Variants in EEFSEC observed in about 807,000 individuals in gnomAD.
EEFSEC encodes eukaryotic elongation factor, selenocysteine-tRNA specific, also known as selenocysteine-specific elongation factor.
EEFSEC carries 43 observed loss-of-function variants against 42.1 expected under a neutral mutation model. That is an observed-to-expected ratio of 1.02 (90% CI 0.80 to 1.32). EEFSEC has a LOEUF of 1.32. Ranked by LOEUF, EEFSEC falls within the 40% of genes most tolerant of loss-of-function variation. The pLI is 0.00. For missense variants in EEFSEC, 745 were observed against 803.6 expected, an observed-to-expected ratio of 0.93 and a Z score of 0.88; for synonymous variants, 354 against 339.1, an observed-to-expected ratio of 1.04 and a Z score of -0.48.
intron 1 of EEFSEC, among the ~76,000 whole-genome samples, chr3:128,228,496 GGT>G (rs1185400928): frequency 1.3e-5 from 2 of 152,110 alleles, no homozygotes; most frequent in African/African-American, 4.8e-5. Context: ...GGGGGTGGTG[GGT>G]GTGAGGCTGT....
rs1174116271 is a variant in EEFSEC, at chr3:128,317,415, G to A, written c.787-23818G>A. Reference sequence around the variant, plus strand: ...CCCTCAGCGTGTGCTTGGTGCTGCTGCATGCCAGGCACACTGTGAGAACTG... The same window carrying A: ...CCCTCAGCGTGTGCTTGGTGCTGCTACATGCCAGGCACACTGTGAGAACTG... On this transcript the variant is annotated intron_variant, in intron 4 of 6. Coordinates refer to ENST00000254730, the MANE Select transcript of EEFSEC (RefSeq NM_021937.5). This position sits in a 1 kb window ranked among gnomAD's most constrained non-coding sequence, Gnocchi z 4.1. 1.3e-5 allele frequency among the ~76,000 whole-genome samples: 2 copies of A among 152,256 alleles called. No homozygotes were observed. The highest frequency in any genetic ancestry group is 2.9e-5 in the Non-Finnish European group (2 of 68,036).
chr3:128,208,366 T>C (rs114735617), intron 1 of EEFSEC, among the ~76,000 whole-genome samples: 199 of 152,358 alleles, frequency 1.3e-3, no homozygotes, highest in African/African-American at 4.5e-3. Flanking sequence ...TATTGGATGA[T>C]GACTGTAAGT....
chr3:128,322,800 A>G lies in EEFSEC; in HGVS notation c.787-18433A>G, dbSNP rs143066979. Among the ~76,000 whole-genome samples, 283 of 152,276 alleles carry G rather than the reference A, an allele frequency of 1.9e-3. 1 individual carries two copies. Among genetic ancestry groups the G allele is most frequent in the Non-Finnish European group, 3.4e-3 (233 of 68,012 alleles). On this transcript the variant is annotated intron_variant, in intron 4 of 6. Coordinates refer to ENST00000254730, the MANE Select transcript of EEFSEC (RefSeq NM_021937.5). ...GGGAGAGCTGGGGTCTGCAGCCCGA[A>G]GCACAGGGGTGGTTTGGACCTTGCT... is the stretch of plus-strand genomic sequence containing the variant.
intron 1 of EEFSEC, among the ~76,000 whole-genome samples, chr3:128,185,060 C>A (rs2065451097): frequency 1.3e-5 from 2 of 152,122 alleles, no homozygotes; most frequent in African/African-American, 4.8e-5. Flanking sequence ...TACAAGTCTG[C>A]CATACCTTAT....
At chr3:128,163,178 A>G (rs552803934) in intron 1 of EEFSEC, among the ~76,000 whole-genome samples, 10 of 152,182 alleles carry the variant, frequency 6.6e-5, no homozygotes, top group Admixed American at 2.6e-4. Context: ...GATGGTATCT[A>G]TAGCTCTGGT....
chr3:128,243,202 G>C (rs776880526), intron 1 of EEFSEC, among the ~76,000 whole-genome samples: 2 of 152,194 alleles, frequency 1.3e-5, no homozygotes, highest in African/African-American at 2.4e-5. Context: ...GCTGCACGGG[G>C]TCCGCTCAAG....
chr3:128,313,840 A>C (rs1023957686), intron 4 of EEFSEC, among the ~76,000 whole-genome samples: 2 of 152,236 alleles, frequency 1.3e-5, no homozygotes, highest in African/African-American at 4.8e-5. Flanking sequence ...TTATGCAGTG[A>C]TTAGAGTTAA....
At chr3:128,335,886 A>G (rs537340757) in intron 4 of EEFSEC, among the ~76,000 whole-genome samples, 3 of 152,318 alleles carry the variant, frequency 2.0e-5, no homozygotes, top group African/African-American at 7.2e-5. Context: ...GGACAAGGAG[A>G]GTCCAGGTGG....
At chr3:128,160,564 G>T (rs1415137856) in intron 1 of EEFSEC, among the ~76,000 whole-genome samples, 1 of 152,116 alleles carries the variant, frequency 6.6e-6, no homozygotes, top group African/African-American at 2.4e-5. Context: ...TGCTGGGCAG[G>T]GATTCCCACT....
intron 4 of EEFSEC, among the ~76,000 whole-genome samples, chr3:128,304,441 T>A (rs930918630): frequency 1.6e-4 from 25 of 152,094 alleles, no homozygotes; most frequent in Non-Finnish European, 3.7e-4. Flanking sequence ...AAAATTTTTC[T>A]TTGTTTAGAA....
At chr3:128,336,022 G>A (rs1390103049) in intron 4 of EEFSEC, among the ~76,000 whole-genome samples, 2 of 152,130 alleles carry the variant, frequency 1.3e-5, no homozygotes, top group Non-Finnish European at 1.5e-5. Context: ...AGGCAGTTGG[G>A]TGTAAGTCTG....
chr3:128,164,418 C>CA (rs1328288317), intron 1 of EEFSEC, among the ~76,000 whole-genome samples: 6 of 152,138 alleles, frequency 3.9e-5, no homozygotes, highest in Non-Finnish European at 7.4e-5. Context: ...GGAGGAGACA[C>CA]ACGGCTGGGC....
chr3:128,320,506 G>A (rs2066995541), intron 4 of EEFSEC, among the ~76,000 whole-genome samples: 1 of 152,168 alleles, frequency 6.6e-6, no homozygotes, highest in African/African-American at 2.4e-5. Flanking sequence ...GGAACTTAGA[G>A]AGGTGACATC....
intron 1 of EEFSEC, among the ~76,000 whole-genome samples, chr3:128,240,222 A>C (rs907825171): frequency 3.9e-5 from 6 of 152,190 alleles, no homozygotes; most frequent in Admixed American, 6.5e-5. Flanking sequence ...TGGGGACAGC[A>C]GGCCTTGTTA....
chr3:128,267,771 C>T (rs2066369890), intron 4 of EEFSEC, among the ~76,000 whole-genome samples: 1 of 152,194 alleles, frequency 6.6e-6, no homozygotes, highest in Non-Finnish European at 1.5e-5. Context: ...CTCACAGATC[C>T]AAGCAACTTA....
At chr3:128,251,501 G>A (rs556431428) in intron 2 of EEFSEC, among the ~76,000 whole-genome samples, 1 of 152,288 alleles carries the variant, frequency 6.6e-6, no homozygotes, top group East Asian at 1.9e-4. Context: ...TAGTGTTTTA[G>A]TAGAAATGGT....
intron 1 of EEFSEC, among the ~76,000 whole-genome samples, chr3:128,228,835 A>C (rs970307016): frequency 1.3e-5 from 2 of 152,210 alleles, no homozygotes; most frequent in Admixed American, 6.5e-5. Flanking sequence ...TATGCAATGC[A>C]CTTAGAACGG....
At chr3:128,185,063 T>C (rs2107795700) in intron 1 of EEFSEC, among the ~76,000 whole-genome samples, 1 of 152,190 alleles carries the variant, frequency 6.6e-6, no homozygotes, top group East Asian at 1.9e-4. Context: ...AAGTCTGCCA[T>C]ACCTTATCCA....
the EEFSEC span, among the ~76,000 whole-genome samples, chr3:128,418,606 C>A: frequency 5.2e-4 from 79 of 151,772 alleles, 1 homozygote; most frequent in African/African-American, 1.9e-3. Context: ...TCCCTGCCCC[C>A]ACTCTGCCCA....
Sources: allele counts gnomAD v4.1 joint callset (sites outside exome capture counted in the v4.1 genomes callset), GRCh38; gene constraint gnomAD v4.1.1; non-coding constraint Gnocchi (gnomAD v3.1); transcripts MANE v1.5; gene names NCBI Gene and HGNC (gene_info 2026-07-23, HGNC 2026-07-21).